The following CHAF1B variants were observed in gnomAD, a reference collection of about 807,000 sequenced individuals.
CHAF1B encodes the protein chromatin assembly factor 1 subunit B, also known as CAF-1 subunit B.
Under a neutral mutation model 60.7 loss-of-function variants are expected in CHAF1B, and 10 were observed. That is an observed-to-expected ratio of 0.16 (90% CI 0.10 to 0.28). The LOEUF is 0.28. Among genes scored for constraint, CHAF1B ranks in the 10% least tolerant of loss-of-function variants. The pLI is 1.00. For synonymous variants in CHAF1B, 261 were observed against 266.1 expected (o/e 0.98, Z 0.19); for missense variants, 558 against 708.4 (o/e 0.79, Z 2.41).
chr21:36,402,670 G>A, intron 7 of CHAF1B, 88 bp from the exon 8 acceptor site: 1 of 1,032,886 alleles, frequency 9.7e-7, no homozygotes, highest in Non-Finnish European at 1.5e-6. Context: ...GCGTTTATTT[G>A]TGAGTGTAAA....
chr21:36,393,018 C>T (rs1211060190), intron 4 of CHAF1B, among the ~76,000 whole-genome samples: 2 of 152,112 alleles, frequency 1.3e-5, no homozygotes, highest in South Asian at 2.1e-4. Context: ...GAGACCAGCC[C>T]GGCCAACACA....
At chr21:36,400,663 G>A (rs1601562735) in intron 7 of CHAF1B, among the ~76,000 whole-genome samples, 1 of 152,084 alleles carries the variant, frequency 6.6e-6, no homozygotes, top group Non-Finnish European at 1.5e-5. Flanking sequence ...TCGAGCGTTG[G>A]ATCTGTCTGG....
Position 36,391,626 on chromosome 21 carries a change from C to T in CHAF1B, c.335C>T (p.Ala112Val). 6.2e-7 allele frequency: 1 copy of T among 1,613,510 alleles called. No homozygotes were observed. The highest frequency in any genetic ancestry group is 2.2e-5 in the East Asian group (1 of 44,858). The part of the protein sequence containing the change: ...EQIAFQDEDE[A>V]QLNKENWTVV... ...ATCGCTTTTCAGGATGAGGACGAGG[C>T]CCAGCTGAACAAGGAGAACTGGACG... Residue 112 changes from alanine to valine, a missense_variant, in exon 4 of 14, where the codon GCC becomes GTC. By Grantham distance (64) the Ala-to-Val change is moderately conservative. Transcript: ENST00000314103.
chr21:36,388,273 C>T (rs1321840457), intron 3 of CHAF1B, among the ~76,000 whole-genome samples: 1 of 152,116 alleles, frequency 6.6e-6, no homozygotes, highest in African/African-American at 2.4e-5. Flanking sequence ...AGCTGCTTTC[C>T]CGCAAGCTCC....
At chr21:36,397,356 G>A in intron 5 of CHAF1B, 59 bp from the exon 6 acceptor site, 1 of 767,078 alleles carries the variant, frequency 1.3e-6, no homozygotes, top group East Asian at 2.6e-5. Flanking sequence ...TATACTATTT[G>A]GGCTCAAACA....
At chr21:36,401,621 T>TTTTATATTATACATAATATATA (rs1346457303) in intron 7 of CHAF1B, among the ~76,000 whole-genome samples, 154 of 137,156 alleles carry the variant, frequency 1.1e-3, no homozygotes, top group African/African-American at 3.9e-3. Flanking sequence ...ATAATATATA[T>TTTTATATTATACATAATATATA]TTTTATATTA....
intron 7 of CHAF1B, 38 bp from the exon 8 acceptor site, chr21:36,402,720 A>C: frequency 6.4e-7 from 1 of 1,551,914 alleles, no homozygotes; most frequent in Non-Finnish European, 8.8e-7. Context: ...TAGAAAACAA[A>C]CAAAAAAAAT....
At chr21:36,415,428 AGAGT>A in intron 13 of CHAF1B, 39 bp downstream of exon 13, 1 of 1,294,522 alleles carries the variant, frequency 7.7e-7, no homozygotes, top group Non-Finnish European at 1.1e-6. Context: ...AATGAAAGGT[AGAGT>A]ATCTTTTCTT....
chr21:36,396,923 G>A (rs1394141253), intron 5 of CHAF1B, among the ~76,000 whole-genome samples: 6 of 152,006 alleles, frequency 3.9e-5, no homozygotes, highest in Admixed American at 3.9e-4. Flanking sequence ...TTACACACAA[G>A]GTCTCTGTAA....
chr21:36,386,223 C>G lies in CHAF1B; in HGVS notation c.87C>G (p.Ile29Met), dbSNP rs780764051. Residue 29 changes from isoleucine (I) to methionine (M), a missense_variant, in exon 2 of 14, where the codon ATC becomes ATG. Ile to Met is a conservative substitution (Grantham distance 10, BLOSUM62 1). Transcript: ENST00000314103. ...LDFQHGTAGRIHRLASAGVDT... is the reference protein window; with the variant it reads ...LDFQHGTAGRMHRLASAGVDT... ...TCCAGCATGGGACGGCTGGGAGGATCCACAGACTGGCGTCTGCCGGCGTGG... is the reference window on the plus strand; with the variant it reads ...TCCAGCATGGGACGGCTGGGAGGATGCACAGACTGGCGTCTGCCGGCGTGG... The G allele has an allele frequency of 1.2e-6, 2 of 1,614,186 alleles. No individual in the cohort carries two copies. Among genetic ancestry groups the G allele is most frequent in the Admixed American group, 3.3e-5 (2 of 60,020 alleles).
In CHAF1B at chr21:36,417,269, A is replaced by G. The variant is rs1294407431; in HGVS notation, c.*903A>G. ...CACACACATGCACCCACACACACAC[A>G]TATATATGATACATATATATATATA... On this transcript the variant is annotated 3_prime_UTR_variant, in exon 14 of 14. Transcript: ENST00000314103. The G allele has an allele frequency of 6.6e-6, 1 of 150,804 alleles. No individual in the cohort carries two copies. Among genetic ancestry groups the G allele is most frequent in the Non-Finnish European group, 1.5e-5 (1 of 67,902 alleles). 9.3% of individuals were successfully genotyped at this position (150,804 alleles called of 1,614,324 possible). A position where few individuals can be genotyped will look rare whatever the true frequency, so the allele number is the denominator to read the frequency against.
rs566911375 is a variant in CHAF1B at position 36,413,583 on chromosome 21, T to C, written c.1493+268T>C. ...GGCTGCAGCCTGTCATCCAGGACTG[T>C]GGCCACTCTCTCTCCTGAGTCTGTG... On this transcript the variant is annotated intron_variant, in intron 12 of 13. Coordinates refer to ENST00000314103, the MANE Select transcript of CHAF1B (RefSeq NM_005441.3). 4.6e-5 allele frequency among the ~76,000 whole-genome samples: 7 copies of C among 152,332 alleles called. No homozygotes were observed. In the South Asian group the frequency reaches 1.5e-3, roughly 32 times the overall value.
chr21:36,411,754 A>G (rs2086279870), intron 11 of CHAF1B, 150 bp downstream of exon 11: 1 of 918,472 alleles, frequency 1.1e-6, no homozygotes, highest in Non-Finnish European at 1.6e-6. Flanking sequence ...TTTGAGACCA[A>G]GTATCACTCT....
rs55920360 is a variant in CHAF1B, at chr21:36,391,907, ATTTTTTTTTTTTTTTT to A, written c.377+254_377+269del. Among the ~76,000 whole-genome samples the A allele has an allele frequency of 2.0e-3, 136 of 67,050 alleles. 3 individuals carry two copies. The highest frequency in any genetic ancestry group is 7.4e-3 in the Admixed American group (37 of 4,978). The allele number at this position is 67,050 out of a possible 152,430, so 44.0% of individuals were successfully genotyped here. A position where few individuals can be genotyped will look rare whatever the true frequency, so the allele number is the denominator to read the frequency against. On this transcript the variant is annotated intron_variant, in intron 4 of 13. Coordinates refer to ENST00000314103, the MANE Select transcript of CHAF1B (RefSeq NM_005441.3). ...GCTACCATGCCCTGCTGATTTTTAAATTTTTTTTTTTTTTTTTTTTTTTTTTTTTTAGTATTTATTG... is the reference window on the plus strand; with the variant it reads ...GCTACCATGCCCTGCTGATTTTTAAATTTTTTTTTTTTTTAGTATTTATTG...
intron 7 of CHAF1B, among the ~76,000 whole-genome samples, chr21:36,400,820 G>A (rs2086181602): frequency 6.6e-6 from 1 of 152,134 alleles, no homozygotes; most frequent in Non-Finnish European, 1.5e-5. Flanking sequence ...TTTTGTAAAG[G>A]AATCAAGGCT....
intron 8 of CHAF1B, 56 bp downstream of exon 8, chr21:36,402,907 C>G (rs879606365): frequency 3.2e-5 from 45 of 1,395,522 alleles, no homozygotes; most frequent in Non-Finnish European, 4.5e-5. Flanking sequence ...GATGTCTGCT[C>G]CCGTTTTACG....
chr21:36,394,502 A>G (rs762541500), intron 4 of CHAF1B, 45 bp from the exon 5 acceptor site: 5 of 1,350,112 alleles, frequency 3.7e-6, no homozygotes, highest in Non-Finnish European at 4.2e-6. Flanking sequence ...AAGCTGCTAT[A>G]CCTGGGGAGT....
chr21:36,387,595 C>T lies in CHAF1B; in HGVS notation c.127-3C>T. The T allele has an allele frequency of 6.2e-7, 1 of 1,614,026 alleles. No individual in the cohort carries two copies. Among genetic ancestry groups the T allele is most frequent in the Non-Finnish European group, 8.5e-7 (1 of 1,179,962 alleles). On this transcript the variant is annotated splice_region_variant and splice_polypyrimidine_tract_variant and intron_variant, in intron 2 of 13. Transcript: ENST00000314103. ...TTTCAAATGAATGTGTTGGTATTGA[C>T]AGATCTGGAAGGTAGAAAAGGGACC...
chr21:36,415,222 T>C, intron 12 of CHAF1B, 73 bp from the exon 13 acceptor site: 1 of 899,720 alleles, frequency 1.1e-6, no homozygotes, highest in East Asian at 2.4e-5. Context: ...TTTTGAAGGT[T>C]GGTATCATAC....
Sources: allele counts gnomAD v4.1 joint callset (sites outside exome capture counted in the v4.1 genomes callset), GRCh38; gene constraint gnomAD v4.1.1; transcripts MANE v1.5; gene names NCBI Gene and HGNC (gene_info 2026-07-23, HGNC 2026-07-21).